Variants in TARS1 observed in about 807,000 individuals in gnomAD.
TARS1 encodes threonine--tRNA ligase 1, cytoplasmic.
Under a neutral mutation model 97.7 loss-of-function variants are expected in TARS1, and 57 were observed. The ratio of observed to expected loss-of-function variants is 0.58; its 90% CI spans 0.47 to 0.73. The LOEUF is 0.73. Ranked by LOEUF, TARS1 falls within the 30% of genes least tolerant of loss-of-function variation. TARS1 has a pLI of 0.00. For synonymous variants in TARS1, 312 were observed against 293.7 expected (o/e 1.06, Z -0.64); for missense variants, 806 against 888.3 (o/e 0.91, Z 1.18).
intron 17 of TARS1, chr5:33,466,666 C>T: frequency 2.5e-6 from 1 of 393,042 alleles, no homozygotes; most frequent in East Asian, 4.0e-5. Flanking sequence ...ACTTAATACA[C>T]ATGACCTGAG....
At position 33,460,758 on chromosome 5, in the gene TARS1, G is replaced by T. The variant is rs141454350; in HGVS notation, c.1251-144G>T. On this transcript the variant is annotated intron_variant, in intron 11 of 18. Transcript: ENST00000265112. ...TATTCATGCAAGTGCTTTTACTGCT[G>T]TATGTAGCCCAGAATTTGAGAAATG... The T allele has an allele frequency of 1.2e-3, 1,096 of 886,298 alleles. 15 individuals are homozygous for T. In the African/African-American group the frequency reaches 0.017, roughly 14 times the overall value. 54.9% of individuals were successfully genotyped at this position (886,298 alleles called of 1,614,324 possible).
upstream of TARS1, chr5:33,440,959 C>T: frequency 8.8e-7 from 1 of 1,138,514 alleles, no homozygotes; most frequent in Admixed American, 2.2e-5. Flanking sequence ...GGTTAGGGCG[C>T]CTTTCGATTG....
At chr5:33,452,399 A>G in intron 3 of TARS1, 3 of 1,535,234 alleles carry the variant, frequency 2.0e-6, no homozygotes, top group Non-Finnish European at 2.6e-6. Context: ...ATCTGTGGCC[A>G]TTCCCTCATC....
In TARS1 at chr5:33,456,020, C is replaced by A. The variant is rs770395787; in HGVS notation, c.712C>A (p.Arg238=). The A allele has an allele frequency of 1.1e-5, 17 of 1,613,226 alleles. No homozygotes were observed. In the South Asian group the frequency reaches 1.8e-4, roughly 17 times the overall value. ...TTTTCAGTACAACAAGTTCAAATGC[C>A]GGATATTGAATGAAAAGGTGAATAC... ...AMFKYNKFKC[R]ILNEKVNTPT... is the part of the protein sequence containing the mutation. Residue 238 remains arginine (R), a synonymous_variant, in exon 7 of 19, where the codon CGG becomes AGG. Transcript: ENST00000265112.
rs59141272 is a variant in TARS1, at chr5:33,449,358, T to TGTATAG, written c.329+627_329+628insGTATAG. ...ATATATACACGTGTATATATATATA[T>TGTATAG]CTTAAACTGGGTATTGGGAAACTCT... On this transcript the variant is annotated intron_variant, in intron 3 of 18. Coordinates refer to ENST00000265112, the MANE Select transcript of TARS1 (RefSeq NM_152295.5). Among the ~76,000 whole-genome samples, 406 of 146,468 alleles carry TGTATAG rather than the reference T, an allele frequency of 2.8e-3. 1 individual carries two copies. The highest frequency in any genetic ancestry group is 1.0e-2 in the African/African-American group (388 of 38,856).
intron 11 of TARS1, 167 bp downstream of exon 11, chr5:33,460,028 C>CTTTTTT: frequency 1.3e-5 from 5 of 379,718 alleles, no homozygotes; most frequent in South Asian, 6.7e-5. Context: ...TAGATCCCCA[C>CTTTTTT]TTTTTTTTTT....
At position 33,450,429 on chromosome 5, in the gene TARS1, A is replaced by G. The variant is rs117847077; in HGVS notation, c.329+1698A>G. 7.1e-4 allele frequency among the ~76,000 whole-genome samples: 108 copies of G among 152,342 alleles called. 1 individual carries two copies. In the East Asian group the frequency reaches 0.016, roughly 22 times the overall value. On this transcript the variant is annotated intron_variant, in intron 3 of 18. Coordinates refer to ENST00000265112, the MANE Select transcript of TARS1 (RefSeq NM_152295.5). ...TTAGGCCTATGAGCCATGAGCATCTACTGTACCACAGACATTAGTTAGTAC... is the reference window on the plus strand; with the variant it reads ...TTAGGCCTATGAGCCATGAGCATCTGCTGTACCACAGACATTAGTTAGTAC...
Position 33,448,074 on chromosome 5 carries a change from A to G in TARS1, c.139-467A>G, listed in dbSNP as rs368662262. On this transcript the variant is annotated intron_variant, in intron 2 of 18. Coordinates refer to ENST00000265112, the MANE Select transcript of TARS1 (RefSeq NM_152295.5). Reference sequence around the variant, plus strand: ...ATCATGGCATCTTTGAATTCAGTAAATACTTTCCTTGAAGGGGAGACCTTA... The same window carrying G: ...ATCATGGCATCTTTGAATTCAGTAAGTACTTTCCTTGAAGGGGAGACCTTA... Among the ~76,000 whole-genome samples the G allele has an allele frequency of 3.9e-5, 6 of 152,240 alleles. No individual in the cohort carries two copies. The East Asian group carries it at 5.8e-4, about 15-fold the overall frequency.
rs573108040 is a variant in TARS1, at chr5:33,463,742, C to T, written c.1836-11C>T. The T allele has an allele frequency of 3.7e-6, 6 of 1,607,420 alleles. No homozygotes were observed. In the South Asian group the frequency reaches 6.7e-5, roughly 18 times the overall value. On this transcript the variant is annotated splice_polypyrimidine_tract_variant and intron_variant, in intron 16 of 18. Coordinates refer to ENST00000265112, the MANE Select transcript of TARS1 (RefSeq NM_152295.5). ...CACATCTACACTGAATATTTTTATT[C>T]TCTTCCAAAGGCCCTTTTGGCTGTC...
At chr5:33,454,575 G>C (rs1165373840) in intron 4 of TARS1, among the ~76,000 whole-genome samples, 1 of 152,212 alleles carries the variant, frequency 6.6e-6, no homozygotes, top group African/African-American at 2.4e-5. Flanking sequence ...TCTGAGACAT[G>C]GTGCTGTGGG....
intron 8 of TARS1, among the ~76,000 whole-genome samples, chr5:33,456,469 A>G (rs187383288): frequency 1.9e-4 from 29 of 152,340 alleles, no homozygotes; most frequent in Admixed American, 6.5e-4. Flanking sequence ...AAAATCATAC[A>G]GCATGGGCCA....
At position 33,447,952 on chromosome 5, in the gene TARS1, G is replaced by C. The variant is rs988766704; in HGVS notation, c.139-589G>C. Among the ~76,000 whole-genome samples, 6 of 152,328 alleles carry C rather than the reference G, an allele frequency of 3.9e-5. No homozygotes were observed. In the East Asian group the frequency reaches 7.7e-4, roughly 20 times the overall value. ...CTTTGCCAAACCTCTAGAAACCTAA[G>C]TGGGTGTTTTATATAGAATATTTTT... On this transcript the variant is annotated intron_variant, in intron 2 of 18. Coordinates refer to ENST00000265112, the MANE Select transcript of TARS1 (RefSeq NM_152295.5).
intron 1 of TARS1, among the ~76,000 whole-genome samples, chr5:33,444,483 T>C (rs1301144692): frequency 6.6e-6 from 1 of 152,262 alleles, no homozygotes; most frequent in Non-Finnish European, 1.5e-5. Flanking sequence ...TTTACATTCC[T>C]GGCACAGGAT....
At chr5:33,446,815 C>T in intron 2 of TARS1, 1 of 1,155,722 alleles carries the variant, frequency 8.7e-7, no homozygotes, top group South Asian at 1.4e-5. Flanking sequence ...GGGTACTGTG[C>T]ATTAGTCTGA....
In TARS1 at chr5:33,440,968, T is replaced by A; in HGVS notation, c.-119T>A. 7.9e-7 allele frequency: 1 copy of A among 1,266,768 alleles called. No individual in the cohort carries two copies. Among genetic ancestry groups the A allele is most frequent in the South Asian group, 1.4e-5 (1 of 73,402 alleles). The allele number at this position is 1,266,768 out of a possible 1,614,324, so 78.5% of individuals were successfully genotyped here. A position where few individuals can be genotyped will look rare whatever the true frequency, so the allele number is the denominator to read the frequency against. ...GGGCGGGGTTAGGGCGCCTTTCGAT[T>A]GCATCAGCTGGTCCAGCCGAGGCCA... On this transcript the variant is annotated 5_prime_UTR_variant, in exon 1 of 19. Transcript: ENST00000265112.
At chr5:33,450,197 A>C (rs1741662601) in intron 3 of TARS1, among the ~76,000 whole-genome samples, 1 of 152,160 alleles carries the variant, frequency 6.6e-6, no homozygotes, top group African/African-American at 2.4e-5. Context: ...GTTATTTTAT[A>C]ATTATATATT....
chr5:33,461,161 G>A lies in TARS1; in HGVS notation c.1417G>A (p.Glu473Lys). The A allele has an allele frequency of 6.2e-7, 1 of 1,604,126 alleles. No individual in the cohort carries two copies. Among genetic ancestry groups the A allele is most frequent in the Non-Finnish European group, 8.5e-7 (1 of 1,175,320 alleles). Residue 473 changes from glutamate to lysine, a missense_variant, in exon 13 of 19, where the codon GAA becomes AAA. By Grantham distance (56) the Glu-to-Lys change is moderately conservative. This residue lies in a region of TARS1 where 446 missense variants were observed against 511.0 expected (regional missense o/e 0.87). Coordinates refer to ENST00000265112, the MANE Select transcript of TARS1 (RefSeq NM_152295.5). ...AHIFCAMEQI[E>K]DEIKGCLDFL... ...TTTTTTGTTTTTTAATTTGAAGATTGAAGATGAAATAAAAGGTTGTTTGGA... is the reference window on the plus strand; with the variant it reads ...TTTTTTGTTTTTTAATTTGAAGATTAAAGATGAAATAAAAGGTTGTTTGGA...
At chr5:33,460,583 G>A (rs1243402802) in intron 11 of TARS1, among the ~76,000 whole-genome samples, 1 of 152,238 alleles carries the variant, frequency 6.6e-6, no homozygotes, top group Non-Finnish European at 1.5e-5. Flanking sequence ...GAGGGCAGAG[G>A]AGGTGAGAGA....
At position 33,456,062 on chromosome 5, in the gene TARS1, T is replaced by C. The variant is rs753591883; in HGVS notation, c.754T>C (p.Tyr252His). 2 of 1,613,634 alleles carry C rather than the reference T, an allele frequency of 1.2e-6. No individual in the cohort carries two copies. Among genetic ancestry groups the C allele is most frequent in the South Asian group, 1.1e-5 (1 of 91,076 alleles). ...GGTGAATACTCCAACTACCACAGTC[T>C]ATAGGTAAGAATATTAGATGTCATT... ...EKVNTPTTTV[Y>H]RCGPLIDLCR... The change falls in exon 7 of 19, where the codon TAT (tyrosine) becomes CAT (histidine). Residue 252 changes from tyrosine (Y) to histidine (H), a missense_variant. By Grantham distance (83) the Tyr-to-His change is moderately conservative. Coordinates refer to ENST00000265112, the MANE Select transcript of TARS1 (RefSeq NM_152295.5).
Sources: allele counts gnomAD v4.1 joint callset (sites outside exome capture counted in the v4.1 genomes callset), GRCh38; gene constraint gnomAD v4.1.1; regional missense constraint gnomAD v4.1.1; transcripts MANE v1.5; gene names NCBI Gene and HGNC (gene_info 2026-07-23, HGNC 2026-07-21).